The following MYL5 variants were observed in gnomAD, a reference collection of about 807,000 sequenced individuals.
MYL5 encodes the protein myosin light chain 5, also known as myosin regulatory light chain 5.
Under a neutral mutation model 20.8 loss-of-function variants are expected in MYL5, and 28 were observed. That is an observed-to-expected ratio of 1.35 (90% CI 1.00 to 1.84). MYL5 has a LOEUF of 1.84. Ranked by LOEUF, MYL5 falls within the 40% of genes most tolerant of loss-of-function variation. The pLI, the probability that MYL5 is intolerant of heterozygous loss-of-function variation, is 0.00. For synonymous variants in MYL5, 118 were observed against 87.4 expected (o/e 1.35, Z -1.95); for missense variants, 274 against 227.3 (o/e 1.21, Z -1.32).
rs375255290 is a variant in MYL5 at position 678,002 on chromosome 4, C to T, written c.-25C>T. On this transcript the variant is annotated 5_prime_UTR_variant, in exon 1 of 7. In the 5' UTR this introduces an upstream ATG that the reference lacks. Coordinates refer to ENST00000400159, the Ensembl canonical transcript of MYL5. ...GGCAAGACCTGGGGCCCTGGGCAGA[C>T]GCATCAAAGCAGGCAGAAGCAGGCA... 1.2e-5 allele frequency: 19 copies of T among 1,613,360 alleles called. No individual in the cohort carries two copies. The highest frequency in any genetic ancestry group is 6.7e-5 in the East Asian group (3 of 44,878).
At chr4:678,901 G>A in intron 2 of MYL5, 57 bp from the exon 5 acceptor site, 3 of 1,607,484 alleles carry the variant, frequency 1.9e-6, no homozygotes, top group South Asian at 1.1e-5. Context: ...CGGGAGCAGG[G>A]GGCGGGGCAG....
chr4:679,541 G>C (rs1739227745), intron 3 of MYL5, among the ~76,000 whole-genome samples: 1 of 152,214 alleles, frequency 6.6e-6, no homozygotes, highest in Non-Finnish European at 1.5e-5. Flanking sequence ...CCTGAGGCAG[G>C]AGGGCAGGGG....
Position 680,602 on chromosome 4 carries a change from G to A in MYL5, c.371+15G>A, listed in dbSNP as rs774896085. The stretch of plus-strand genomic sequence containing the variant: ...AACAAGGAGTAGTGAGTGCCCGGGC[G>A]GCCAGGGCGGCCCGGCTTCCGGGGA... On this transcript the variant is annotated intron_variant, in intron 5 of 6. Transcript: ENST00000400159. 83 of 1,611,540 alleles carry A rather than the reference G, an allele frequency of 5.2e-5. No homozygotes were observed. The highest frequency in any genetic ancestry group is 6.4e-5 in the Non-Finnish European group (75 of 1,179,212).
chr4:678,491 C>G, intron 1 of MYL5, 167 bp from the exon 4 acceptor site: 1 of 1,439,316 alleles, frequency 6.9e-7, no homozygotes, highest in Non-Finnish European at 9.1e-7. Flanking sequence ...GCCCCCAACC[C>G]CAGCTACCCA....
At chr4:680,001 T>G (rs754671015) in exon 4 of MYL5, 1 of 1,613,062 alleles carries the variant, frequency 6.2e-7, no homozygotes, top group African/African-American at 1.3e-5. Flanking sequence ...CTGAACCTGT[T>G]TGGGGAGAAG....
chr4:679,101 A>G lies in MYL5; in HGVS notation c.187+68A>G, dbSNP rs569137592. The G allele has an allele frequency of 6.1e-6, 8 of 1,305,474 alleles. No homozygotes were observed. The South Asian group carries it at 9.4e-5, about 15-fold the overall frequency. 80.9% of individuals were successfully genotyped at this position (1,305,474 alleles called of 1,614,324 possible). A position where few individuals can be genotyped will look rare whatever the true frequency, so the allele number is the denominator to read the frequency against. ...GAACACAGAGGTCCTCCAGCTCCAG[A>G]CGCCGCGGCCCCTCCTCGAATGGAG... On this transcript the variant is annotated intron_variant, in intron 3 of 6. Coordinates refer to ENST00000400159, the Ensembl canonical transcript of MYL5.
exon 1 of MYL5, chr4:677,946 G>A (rs1577328808): frequency 6.2e-7 from 1 of 1,611,924 alleles, no homozygotes; most frequent in Non-Finnish European, 8.5e-7. Context: ...AGTCTGAACT[G>A]TCCTGGGGGA....
chr4:678,463 G>C, intron 1 of MYL5, 195 bp from the exon 4 acceptor site: 1 of 1,431,168 alleles, frequency 7.0e-7, no homozygotes, highest in Non-Finnish European at 9.1e-7. Flanking sequence ...GCTGAAGCCA[G>C]ACACCTGCAG....
chr4:679,022 A>G (rs777210674), exon 3 of MYL5: 11 of 1,613,568 alleles, frequency 6.8e-6, no homozygotes, highest in Middle Eastern at 1.6e-4. Context: ...AAGGACACCT[A>G]TGCCTCCCTG....
chr4:679,484 C>T (rs1253052550), intron 3 of MYL5, among the ~76,000 whole-genome samples: 1 of 152,100 alleles, frequency 6.6e-6, no homozygotes, highest in East Asian at 1.9e-4. Flanking sequence ...CCCTCCCCAG[C>T]TTCAGTCCTC....
upstream of MYL5, chr4:675,405 C>T: frequency 6.6e-6 from 1 of 152,554 alleles, no homozygotes; most frequent in Non-Finnish European, 1.5e-5. Flanking sequence ...TGGCCCTGCA[C>T]TGCTACAGGC....
chr4:681,280 G>A, intron 6 of MYL5, 140 bp downstream of exon 8: 1 of 988,632 alleles, frequency 1.0e-6, no homozygotes. Context: ...GGGGGCTCCC[G>A]AAGTGCCCGT....
At chr4:677,875 C>A, upstream of MYL5, 1 of 1,341,126 alleles carries the variant, frequency 7.5e-7, no homozygotes, top group Non-Finnish European at 1.1e-6. Flanking sequence ...AAAGCTCACT[C>A]TGCAGCTGTC....
chr4:676,117 T>G (rs1289395655), upstream of MYL5: 1 of 152,222 alleles, frequency 6.6e-6, no homozygotes, highest in Non-Finnish European at 1.5e-5. Context: ...TACTGCTCGC[T>G]GAGGAAGCCG....
intron 1 of MYL5, 161 bp from the exon 4 acceptor site, chr4:678,497 A>G: frequency 6.9e-7 from 1 of 1,440,580 alleles, no homozygotes; most frequent in Non-Finnish European, 9.1e-7. Context: ...AACCCCAGCT[A>G]CCCAGGCCTG....
intron 3 of MYL5, 52 bp from the exon 6 acceptor site, chr4:679,862 G>A (rs1739266178): frequency 1.6e-5 from 24 of 1,518,824 alleles, no homozygotes; most frequent in Non-Finnish European, 2.1e-5. Flanking sequence ...CCTGCTGGTG[G>A]CACAGGGCAG....
intron 5 of MYL5, 95 bp downstream of exon 7, chr4:680,682 C>G: frequency 2.5e-6 from 3 of 1,215,568 alleles, no homozygotes; most frequent in Non-Finnish European, 3.6e-6. Flanking sequence ...AGATGCCACG[C>G]CCACCTCCCC....
chr4:677,531 T>A (rs1738968180), upstream of MYL5, among the ~76,000 whole-genome samples: 1 of 152,182 alleles, frequency 6.6e-6, no homozygotes, highest in Admixed American at 6.5e-5. Context: ...TGGACTGACT[T>A]CTGTCACCAA....
chr4:678,082 T>C (rs2109328718), intron 1 of MYL5, 53 bp downstream of exon 3: 3 of 1,606,516 alleles, frequency 1.9e-6, no homozygotes, highest in Admixed American at 1.7e-5. Flanking sequence ...TGAGCTGTGC[T>C]GTGCATGTGT....
Sources: allele counts gnomAD v4.1 joint callset (sites outside exome capture counted in the v4.1 genomes callset), GRCh38; gene constraint gnomAD v4.1.1; transcripts MANE v1.5; gene names NCBI Gene and HGNC (gene_info 2026-07-23, HGNC 2026-07-21).